PPP1R1C: variants seen among roughly 807,000 people sequenced by gnomAD.
The protein encoded by PPP1R1C is protein phosphatase 1 regulatory inhibitor subunit 1C.
A neutral mutation model predicts 17.4 loss-of-function variants in PPP1R1C; 15 were observed. The ratio of observed to expected loss-of-function variants is 0.86; its 90% confidence interval spans 0.58 to 1.33. The LOEUF (loss-of-function observed/expected upper bound fraction) is 1.33. Among genes scored for constraint, PPP1R1C ranks in the 40% most tolerant of loss-of-function variants. The pLI is 0.00. For missense variants in PPP1R1C, 143 were observed against 130.0 expected (o/e 1.10, Z -0.48); for synonymous variants, 35 against 43.1 (o/e 0.81, Z 0.73).
Position 181,988,008 on chromosome 2 carries a change from C to A in PPP1R1C, c.142+109C>A, listed in dbSNP as rs1574354763. 19 of 798,404 alleles carry A rather than the reference C, an allele frequency of 2.4e-5. 1 individual carries two copies. Among genetic ancestry groups the A allele is most frequent in the African/African-American group, 1.1e-4 (6 of 56,210 alleles). The allele number at this position is 798,404 out of a possible 1,614,324, so 49.5% of individuals were successfully genotyped here. On this transcript the variant is annotated intron_variant, in intron 2 of 4. Coordinates refer to ENST00000682840, the MANE Select transcript of PPP1R1C (RefSeq NM_001080545.3). ...TTTCAATTTAGGATTTCACAGTTAG[C>A]AATACTCTAGAAAGCTAATCTATAA...
intron 4 of PPP1R1C, among the ~76,000 whole-genome samples, chr2:182,067,645 A>G (rs962501218): frequency 2.0e-5 from 3 of 152,196 alleles, no homozygotes; most frequent in Non-Finnish European, 4.4e-5. Flanking sequence ...TGCAACCTTC[A>G]GAAAATCAAT....
chr2:182,077,972 T>C (rs1007063927), intron 4 of PPP1R1C, among the ~76,000 whole-genome samples: 1 of 151,786 alleles, frequency 6.6e-6, no homozygotes, highest in Admixed American at 6.6e-5. Context: ...AGATCAGGAG[T>C]TTGAGACCAG....
chr2:182,090,686 C>G (rs912294121), intron 4 of PPP1R1C, among the ~76,000 whole-genome samples: 6 of 152,124 alleles, frequency 3.9e-5, no homozygotes, highest in African/African-American at 1.4e-4. Flanking sequence ...AGCAATTTCC[C>G]TGAGAATAAA....
chr2:182,112,631 A>C lies in PPP1R1C; in HGVS notation c.242-4576A>C, dbSNP rs555276232. Among the ~76,000 whole-genome samples the C allele has an allele frequency of 1.6e-4, 24 of 152,288 alleles. No individual in the cohort carries two copies. The East Asian group carries it at 4.2e-3, about 27-fold the overall frequency. On this transcript the variant is annotated intron_variant, in intron 4 of 4. Coordinates refer to ENST00000682840, the MANE Select transcript of PPP1R1C (RefSeq NM_001080545.3). ...CAATAACCACTATGGGAATTTAAGC[A>C]AGTCACTTTACCATCTGAAACTGTT...
intron 4 of PPP1R1C, among the ~76,000 whole-genome samples, chr2:182,095,166 G>T (rs1240407619): frequency 6.6e-6 from 1 of 152,140 alleles, no homozygotes; most frequent in Non-Finnish European, 1.5e-5. Context: ...GGGTGTGGTG[G>T]CATGGACCTG....
At chr2:182,090,499 A>G (rs1429274142) in intron 4 of PPP1R1C, among the ~76,000 whole-genome samples, 1 of 152,178 alleles carries the variant, frequency 6.6e-6, no homozygotes, top group Non-Finnish European at 1.5e-5. Flanking sequence ...TAAAAACCAG[A>G]CAAGAATTTC....
intron 2 of PPP1R1C, among the ~76,000 whole-genome samples, chr2:182,003,685 G>A (rs1481241911): frequency 9.9e-6 from 1 of 100,530 alleles, no homozygotes; most frequent in Non-Finnish European, 2.3e-5. Flanking sequence ...GATTTTTGCT[G>A]GATGTGTGTG....
chr2:182,020,795 A>T (rs1386927910), intron 2 of PPP1R1C, among the ~76,000 whole-genome samples: 2 of 151,946 alleles, frequency 1.3e-5, no homozygotes, highest in East Asian at 3.9e-4. Context: ...ATGGTATTTC[A>T]TTTCTTTCTG....
chr2:182,006,510 G>A (rs1015998130), intron 2 of PPP1R1C, among the ~76,000 whole-genome samples: 1 of 152,180 alleles, frequency 6.6e-6, no homozygotes, highest in Admixed American at 6.5e-5. Flanking sequence ...ACACACATTG[G>A]TTCTCAGGCC....
At chr2:182,008,936 T>G (rs1686008790) in intron 2 of PPP1R1C, among the ~76,000 whole-genome samples, 1 of 152,198 alleles carries the variant, frequency 6.6e-6, no homozygotes, top group African/African-American at 2.4e-5. Flanking sequence ...TCCAGTTCTA[T>G]CCATGTTGTT....
chr2:182,003,418 T>C (rs1685828837), intron 2 of PPP1R1C, among the ~76,000 whole-genome samples: 1 of 152,170 alleles, frequency 6.6e-6, no homozygotes, highest in Non-Finnish European at 1.5e-5. Context: ...TTTTTTCTAC[T>C]TAGAATGCCT....
intron 4 of PPP1R1C, among the ~76,000 whole-genome samples, chr2:182,079,955 CT>C (rs1688426617): frequency 1.3e-5 from 2 of 152,166 alleles, no homozygotes; most frequent in African/African-American, 4.8e-5. Flanking sequence ...CTACTTCATC[CT>C]GTCGAGCCTC....
intron 2 of PPP1R1C, among the ~76,000 whole-genome samples, chr2:182,036,975 A>G (rs940588510): frequency 6.6e-6 from 1 of 152,242 alleles, no homozygotes; most frequent in Non-Finnish European, 1.5e-5. Flanking sequence ...AACACATAAC[A>G]ACATGTGAAT....
intron 4 of PPP1R1C, among the ~76,000 whole-genome samples, chr2:182,108,917 A>C (rs535705802): frequency 4.3e-4 from 65 of 152,250 alleles, no homozygotes; most frequent in African/African-American, 1.4e-3. Flanking sequence ...TAGTATGTTT[A>C]CTTTTGTAGG....
At chr2:182,126,390 C>CAAA (rs1689876142) in intron 5 of PPP1R1C, among the ~76,000 whole-genome samples, 2 of 151,942 alleles carry the variant, frequency 1.3e-5, no homozygotes, top group African/African-American at 4.8e-5. Context: ...CCATTAGTTG[C>CAAA]ATTAATTAAT....
chr2:182,011,667 G>A (rs1474331366), intron 2 of PPP1R1C, among the ~76,000 whole-genome samples: 1 of 151,712 alleles, frequency 6.6e-6, no homozygotes, highest in East Asian at 1.9e-4. Context: ...TTCAGGTTTG[G>A]TTTGCTCTTG....
At chr2:182,091,097 G>A (rs563603261) in intron 4 of PPP1R1C, among the ~76,000 whole-genome samples, 30 of 152,208 alleles carry the variant, frequency 2.0e-4, no homozygotes, top group African/African-American at 6.7e-4. Flanking sequence ...CAACCTTAAA[G>A]GAGTAATAAA....
At chr2:182,119,401 A>G (rs1046043549), downstream of PPP1R1C, among the ~76,000 whole-genome samples, 5 of 152,164 alleles carry the variant, frequency 3.3e-5, no homozygotes, top group Non-Finnish European at 5.9e-5. Context: ...CATGATTTAT[A>G]ATCCTTTGGG....
rs76680751 is a variant in PPP1R1C at position 181,970,635 on chromosome 2, C to T, written n.112-4584C>T. Among the ~76,000 whole-genome samples the T allele has an allele frequency of 7.2e-3, 1,096 of 152,270 alleles. 8 individuals are homozygous for T. The highest frequency in any genetic ancestry group is 0.021 in the South Asian group (103 of 4,820). On this transcript the variant is annotated intron_variant and non_coding_transcript_variant, in intron 1 of 5. Coordinates refer to the PPP1R1C transcript ENST00000464264. ...ACAATCAGCAGGTGGCAAAGCCAGC[C>T]AGGCTTATGGCTTTTCCTTCAGGTG... is the stretch of plus-strand genomic sequence containing the variant.
Sources: gnomAD v4.1 joint callset for allele counts (sites outside exome capture counted in the v4.1 genomes callset) on GRCh38, gnomAD v4.1.1 for gene constraint, MANE v1.5 for transcripts, NCBI Gene and HGNC (gene_info 2026-07-23, HGNC 2026-07-21) for gene names.